Variants in CNTN1 observed in about 807,000 individuals in gnomAD.
CNTN1 encodes the protein contactin 1, also known as contactin-1.
CNTN1 carries 38 observed loss-of-function variants against 126.4 expected under a neutral mutation model. The observed-to-expected ratio is 0.30, with a 90% CI of 0.23 to 0.39. The LOEUF (loss-of-function observed/expected upper bound fraction) is 0.39, where lower values mean the gene tolerates loss of function less well. CNTN1 is among the 10% of genes least tolerant of loss of function. The pLI is 1.00. For synonymous variants in CNTN1, 413 were observed against 422.6 expected (o/e 0.98, Z 0.28); for missense variants, 1,009 against 1,248.4 (o/e 0.81, Z 2.89).
chr12:40,887,707 A>G (rs925226075), intron 1 of CNTN1, among the ~76,000 whole-genome samples: 9 of 152,010 alleles, frequency 5.9e-5, no homozygotes, highest in African/African-American at 1.9e-4. Flanking sequence ...ATAAAGACAC[A>G]TGCACACGTA....
chr12:40,842,010 A>T (rs1942304767), intron 1 of CNTN1, among the ~76,000 whole-genome samples: 1 of 151,338 alleles, frequency 6.6e-6, no homozygotes, highest in African/African-American at 2.4e-5. Flanking sequence ...TAAAAAAAGA[A>T]ATAAATAAAA....
intron 1 of CNTN1, among the ~76,000 whole-genome samples, chr12:40,699,737 A>G (rs920334701): frequency 6.0e-5 from 9 of 151,170 alleles, no homozygotes; most frequent in African/African-American, 2.2e-4. Context: ...ATTCAAAGGC[A>G]TGGTTATCCA....
intron 1 of CNTN1, among the ~76,000 whole-genome samples, chr12:40,760,816 G>T (rs1938832600): frequency 3.0e-5 from 4 of 134,720 alleles, no homozygotes; most frequent in African/African-American, 1.1e-4. Flanking sequence ...TACTTACATT[G>T]TTGGTCTTTC....
At chr12:40,888,154 TA>T (rs1944113502) in intron 1 of CNTN1, among the ~76,000 whole-genome samples, 1 of 152,034 alleles carries the variant, frequency 6.6e-6, no homozygotes, top group Non-Finnish European at 1.5e-5. Flanking sequence ...CCCTGAAACT[TA>T]AAGTATAATA....
At chr12:40,915,585 T>TA (rs1351275402) in intron 3 of CNTN1, among the ~76,000 whole-genome samples, 1 of 152,254 alleles carries the variant, frequency 6.6e-6, no homozygotes, top group East Asian at 1.9e-4. Flanking sequence ...ATTTAGTTTC[T>TA]AAAAAATCTT....
intron 16 of CNTN1, among the ~76,000 whole-genome samples, chr12:40,988,729 G>A (rs1444983194): frequency 6.6e-6 from 1 of 152,126 alleles, no homozygotes; most frequent in African/African-American, 2.4e-5. Flanking sequence ...ACTAAAGTAA[G>A]AACTAAGGTC....
chr12:40,802,247 C>T (rs1237898189), intron 1 of CNTN1, among the ~76,000 whole-genome samples: 1 of 151,750 alleles, frequency 6.6e-6, no homozygotes, highest in Non-Finnish European at 1.5e-5. Flanking sequence ...TAAAAGATGA[C>T]ATCTATAACA....
At chr12:40,867,303 G>A (rs767839053) in intron 1 of CNTN1, among the ~76,000 whole-genome samples, 12 of 152,070 alleles carry the variant, frequency 7.9e-5, no homozygotes, top group Non-Finnish European at 1.8e-4. Flanking sequence ...TGGTGGGGCA[G>A]GGGAAAGAAA....
chr12:40,972,724 T>C (rs1566068835), intron 15 of CNTN1: 2 of 894,888 alleles, frequency 2.2e-6, no homozygotes, highest in Non-Finnish European at 2.7e-6. Context: ...TTAATTGCCA[T>C]TTTTGTAAGA....
At chr12:40,971,289 T>G (rs1947501167) in intron 15 of CNTN1, 1 of 648,344 alleles carries the variant, frequency 1.5e-6, no homozygotes, top group South Asian at 2.2e-5. Flanking sequence ...CCCCCCGTCC[T>G]CAGTGTGTAG....
intron 1 of CNTN1, among the ~76,000 whole-genome samples, chr12:40,776,046 G>A (rs185495847): frequency 3.0e-4 from 46 of 151,634 alleles, no homozygotes; most frequent in African/African-American, 1.1e-3. Context: ...CAACTATTTA[G>A]GGCATTTGCC....
chr12:41,051,921 C>T (rs984867357), intron 23 of CNTN1, among the ~76,000 whole-genome samples: 11 of 151,190 alleles, frequency 7.3e-5, no homozygotes, highest in African/African-American at 2.4e-4. Context: ...CACACACACA[C>T]ACACACACAC....
chr12:40,952,930 C>G (rs569304395), intron 14 of CNTN1, among the ~76,000 whole-genome samples: 1 of 152,096 alleles, frequency 6.6e-6, no homozygotes, highest in Non-Finnish European at 1.5e-5. Context: ...ACATCTATAT[C>G]TCTCCCTTTA....
chr12:40,813,028 C>CCTT (rs1941125793), intron 1 of CNTN1, among the ~76,000 whole-genome samples: 1 of 33,892 alleles, frequency 3.0e-5, no homozygotes, highest in African/African-American at 7.0e-5. Flanking sequence ...TTCTTTCTTT[C>CCTT]TCTTTCTTTC....
intron 11 of CNTN1, among the ~76,000 whole-genome samples, chr12:40,937,904 C>T (rs1234807584): frequency 6.6e-6 from 1 of 152,156 alleles, no homozygotes; most frequent in Non-Finnish European, 1.5e-5. Flanking sequence ...TTCTTCAGAG[C>T]ATCAGCAGCA....
intron 1 of CNTN1, among the ~76,000 whole-genome samples, chr12:40,831,410 G>A (rs1349087723): frequency 2.6e-5 from 4 of 151,958 alleles, no homozygotes; most frequent in Non-Finnish European, 5.9e-5. Flanking sequence ...AAACAGTCCT[G>A]ATGAGTTGCA....
intron 1 of CNTN1, among the ~76,000 whole-genome samples, chr12:40,786,877 T>C (rs1389566110): frequency 6.6e-6 from 1 of 152,152 alleles, no homozygotes; most frequent in Non-Finnish European, 1.5e-5. Flanking sequence ...ATCTTTCAGT[T>C]ATACATTATT....
chr12:40,715,477 C>T (rs1306063128), intron 1 of CNTN1, among the ~76,000 whole-genome samples: 5 of 151,970 alleles, frequency 3.3e-5, no homozygotes, highest in Non-Finnish European at 5.9e-5. Flanking sequence ...TTAATTGGTG[C>T]AAAAGTAACC....
intron 1 of CNTN1, among the ~76,000 whole-genome samples, chr12:40,697,512 A>T (rs1240075154): frequency 2.6e-5 from 4 of 152,244 alleles, no homozygotes; most frequent in Non-Finnish European, 5.9e-5. Flanking sequence ...GCATTTTAAA[A>T]AATGCTTTCT....
Sources: allele counts gnomAD v4.1 joint callset (sites outside exome capture counted in the v4.1 genomes callset), GRCh38; gene constraint gnomAD v4.1.1; transcripts MANE v1.5; gene names NCBI Gene and HGNC (gene_info 2026-07-23, HGNC 2026-07-21).